The following PDPN variants were observed in gnomAD, a reference collection of about 807,000 sequenced individuals.
The protein encoded by PDPN is PA2.26 antigen.
A neutral mutation model predicts 23.2 loss-of-function variants in PDPN; 12 were observed. The ratio of observed to expected loss-of-function variants is 0.52; its 90% CI spans 0.33 to 0.84. The LOEUF (loss-of-function observed/expected upper bound fraction) is 0.84, where lower values mean the gene tolerates loss of function less well. PDPN is among the 40% of genes least tolerant of loss of function. PDPN has a pLI of 0.02. For synonymous variants in PDPN, 77 were observed against 76.7 expected, an observed-to-expected ratio of 1.00 and a Z score of -0.02; for missense variants, 199 against 212.2, an observed-to-expected ratio of 0.94 and a Z score of 0.39.
At chr1:13,593,225 CAGGT>C (rs1488338769) in intron 1 of PDPN, among the ~76,000 whole-genome samples, 1 of 152,124 alleles carries the variant, frequency 6.6e-6, no homozygotes, top group Non-Finnish European at 1.5e-5. Flanking sequence ...GCATAAAAAT[CAGGT>C]AGGAGGGATG....
intron 3 of PDPN, 34 bp downstream of exon 3, chr1:13,610,550 C>A: frequency 6.2e-7 from 1 of 1,601,634 alleles, no homozygotes; most frequent in Non-Finnish European, 8.5e-7. Flanking sequence ...GGGGGCTGAT[C>A]TACTTTTGCA....
At chr1:13,588,816 C>T (rs560436820) in intron 1 of PDPN, among the ~76,000 whole-genome samples, 1 of 151,556 alleles carries the variant, frequency 6.6e-6, no homozygotes, top group African/African-American at 2.4e-5. Flanking sequence ...GTATCTGGGA[C>T]CACAGGTGTG....
intron 1 of PDPN, among the ~76,000 whole-genome samples, chr1:13,599,948 C>G (rs556835859): frequency 6.6e-6 from 1 of 152,198 alleles, no homozygotes; most frequent in African/African-American, 2.4e-5. Context: ...CAAAGCAACA[C>G]CTCCTTTAGA....
intron 1 of PDPN, among the ~76,000 whole-genome samples, chr1:13,594,266 A>G (rs949455428): frequency 3.3e-5 from 5 of 152,194 alleles, no homozygotes; most frequent in Admixed American, 6.5e-5. Flanking sequence ...ATCAAATTCT[A>G]TACTAGTTTA....
rs1321004577 is a variant in PDPN at position 13,583,908 on chromosome 1, A to C, written c.-126A>C. 6.2e-6 allele frequency: 10 copies of C among 1,611,456 alleles called. No individual in the cohort carries two copies. The highest frequency in any genetic ancestry group is 1.3e-5 in the African/African-American group (1 of 74,854). On this transcript the variant is annotated 5_prime_UTR_variant, in exon 1 of 6. Coordinates refer to ENST00000621990, the MANE Select transcript of PDPN (RefSeq NM_006474.5). ...CTCCCTCTCCGGGGCTCCTGCTCCC[A>C]CCCCTCCGGCCCCCCCACCGTCGCG...
chr1:13,593,047 C>T (rs932572955), intron 1 of PDPN, among the ~76,000 whole-genome samples: 10 of 152,070 alleles, frequency 6.6e-5, no homozygotes, highest in Non-Finnish European at 1.3e-4. Flanking sequence ...ACCAAGATTG[C>T]TTTGGTGATT....
chr1:13,601,963 G>A (rs543950089), intron 1 of PDPN, among the ~76,000 whole-genome samples: 13 of 150,370 alleles, frequency 8.6e-5, no homozygotes, highest in African/African-American at 3.0e-4. Context: ...TGTAGGCCGG[G>A]TGCGGTGGCT....
chr1:13,614,264 T>C (rs1333447796), intron 4 of PDPN, 36 bp from the exon 5 acceptor site: 7 of 1,125,136 alleles, frequency 6.2e-6, no homozygotes, highest in Non-Finnish European at 9.4e-6. Context: ...TATTTTTTCC[T>C]CTGGGGCTCA....
intron 1 of PDPN, among the ~76,000 whole-genome samples, chr1:13,588,235 C>T (rs918511470): frequency 1.3e-5 from 2 of 152,068 alleles, no homozygotes; most frequent in Non-Finnish European, 2.9e-5. Context: ...TAGAGGGAGA[C>T]CAACCCTGAG....
chr1:13,605,001 G>A (rs1640745828), intron 1 of PDPN, among the ~76,000 whole-genome samples: 1 of 152,194 alleles, frequency 6.6e-6, no homozygotes, highest in African/African-American at 2.4e-5. Context: ...TTAAAAAAAT[G>A]TGTAGGTAGC....
intron 1 of PDPN, chr1:13,585,771 C>T: frequency 1.0e-5 from 6 of 585,188 alleles, no homozygotes; most frequent in Non-Finnish European, 1.8e-5. Context: ...GCCAGAGGAG[C>T]AGAGGCCCAG....
chr1:13,586,558 A>G (rs1053871763), intron 1 of PDPN, among the ~76,000 whole-genome samples: 2 of 152,156 alleles, frequency 1.3e-5, no homozygotes, highest in African/African-American at 4.8e-5. Context: ...AAGCCTTGGC[A>G]AGACAGTGGA....
chr1:13,608,429 T>A (rs945198919), intron 2 of PDPN, among the ~76,000 whole-genome samples: 1 of 152,236 alleles, frequency 6.6e-6, no homozygotes, highest in Admixed American at 6.5e-5. Flanking sequence ...CAGCATCTCC[T>A]TAACTTTCTC....
intron 1 of PDPN, among the ~76,000 whole-genome samples, chr1:13,603,457 A>G (rs1048455566): frequency 5.3e-5 from 8 of 152,214 alleles, no homozygotes; most frequent in African/African-American, 1.9e-4. Flanking sequence ...ATGCAAAGAT[A>G]AAAGTTATTC....
intron 1 of PDPN, chr1:13,596,063 G>A (rs1358090844): frequency 8.7e-6 from 3 of 346,078 alleles, no homozygotes; most frequent in African/African-American, 4.3e-5. Context: ...GCTGGACATG[G>A]TGGCAGGTGC....
intron 1 of PDPN, among the ~76,000 whole-genome samples, chr1:13,586,652 A>G (rs1640186394): frequency 6.6e-6 from 1 of 151,944 alleles, no homozygotes; most frequent in East Asian, 1.9e-4. Context: ...TCTTTCAATC[A>G]TCATAATACC....
intron 1 of PDPN, chr1:13,584,366 CCGA>C: frequency 7.0e-7 from 1 of 1,421,636 alleles, no homozygotes; most frequent in Non-Finnish European, 9.2e-7. Flanking sequence ...GGGCCTCCCT[CCGA>C]GTCGGCAGCA....
At chr1:13,588,794 T>C (rs531047767) in intron 1 of PDPN, among the ~76,000 whole-genome samples, 2 of 133,220 alleles carry the variant, frequency 1.5e-5, no homozygotes, top group East Asian at 3.9e-4. Flanking sequence ...TCCTCCCACC[T>C]CAGCCTCCTG....
intron 1 of PDPN, among the ~76,000 whole-genome samples, chr1:13,603,099 T>G (rs771977548): frequency 1.3e-5 from 2 of 151,508 alleles, no homozygotes; most frequent in African/African-American, 2.4e-5. Flanking sequence ...CAGAGAGAGA[T>G]AGAAAGAAAG....
Sources: allele counts gnomAD v4.1 joint callset (sites outside exome capture counted in the v4.1 genomes callset), GRCh38; gene constraint gnomAD v4.1.1; transcripts MANE v1.5; gene names NCBI Gene and HGNC (gene_info 2026-07-23, HGNC 2026-07-21).